Variants in GGACT observed in about 807,000 individuals in gnomAD.
GGACT encodes gamma-glutamylamine cyclotransferase.
For missense variants in GGACT, 241 were observed against 233.2 expected (o/e 1.03, Z -0.22); for synonymous variants, 118 against 115.3 (o/e 1.02, Z -0.15).
chr13:100,552,114 G>C (rs1446263783), intron 2 of GGACT, among the ~76,000 whole-genome samples: 2 of 152,218 alleles, frequency 1.3e-5, no homozygotes, highest in Non-Finnish European at 2.9e-5. Context: ...GGAAGGCAAA[G>C]CCTGGTGGAA....
intron 2 of GGACT, among the ~76,000 whole-genome samples, chr13:100,579,601 G>A (rs1318978951): frequency 6.6e-6 from 1 of 152,180 alleles, no homozygotes; most frequent in Non-Finnish European, 1.5e-5. Context: ...ATTCCTGGAA[G>A]GAAGAAATGC....
Position 100,554,262 on chromosome 13 carries a change from G to A in GGACT, c.-10-21661C>T, listed in dbSNP as rs146418226. The stretch of plus-strand genomic sequence containing the variant: ...GGTACATTTCTCAGGGGTTCAGAAA[G>A]TTCCAAGTCATCATTTAGTCCTCTC... On this transcript the variant is annotated intron_variant, in intron 2 of 2. Transcript: ENST00000683975. Among the ~76,000 whole-genome samples, 20 of 152,246 alleles carry A rather than the reference G, an allele frequency of 1.3e-4. 3 individuals carry two copies. In the East Asian group the frequency reaches 3.9e-3, roughly 29 times the overall value.
At chr13:100,566,595 G>A (rs921152546) in intron 2 of GGACT, among the ~76,000 whole-genome samples, 7 of 152,038 alleles carry the variant, frequency 4.6e-5, no homozygotes, top group Non-Finnish European at 7.4e-5. Context: ...CTGGGGGCCC[G>A]GGCACCAGCA....
chr13:100,562,528 G>A lies in GGACT; in HGVS notation c.-11+21297C>T, dbSNP rs186750119. Among the ~76,000 whole-genome samples, 823 of 152,234 alleles carry A rather than the reference G, an allele frequency of 5.4e-3. 7 individuals are homozygous for A. The highest frequency in any genetic ancestry group is 0.018 in the African/African-American group (767 of 41,544). On this transcript the variant is annotated intron_variant, in intron 2 of 2. Transcript: ENST00000683975. ...GAGGCACATGAGGCCAGGTGTGGTGGCTCACGCCTGTAATTCCAACACTTT... is the reference window on the plus strand; with the variant it reads ...GAGGCACATGAGGCCAGGTGTGGTGACTCACGCCTGTAATTCCAACACTTT...
At chr13:100,546,009 T>G (rs767812481) in intron 2 of GGACT, among the ~76,000 whole-genome samples, 11 of 152,138 alleles carry the variant, frequency 7.2e-5, no homozygotes, top group Non-Finnish European at 1.5e-4. Flanking sequence ...GCAGACAGTG[T>G]TGATAGAATA....
At chr13:100,556,451 C>G (rs1050453345) in intron 2 of GGACT, among the ~76,000 whole-genome samples, 1 of 151,970 alleles carries the variant, frequency 6.6e-6, no homozygotes, top group South Asian at 2.1e-4. Flanking sequence ...ACTGAAAATT[C>G]CAAACACTGA....
Position 100,539,776 on chromosome 13 carries a change from G to A in GGACT, c.-10-7175C>T, listed in dbSNP as rs2088532630. ...GAGGACTGGTGTGAATTCTGTAAAT[G>A]TTTGGTAGAATTTACCAGTGAAGCC... On this transcript the variant is annotated intron_variant, in intron 2 of 2. Coordinates refer to ENST00000683975, the MANE Select transcript of GGACT (RefSeq NM_001195087.2). The A allele has an allele frequency of 9.3e-6, 6 of 642,836 alleles. No homozygotes were observed. In the East Asian group the frequency reaches 1.6e-4, roughly 18 times the overall value. 39.8% of individuals were successfully genotyped at this position (642,836 alleles called of 1,614,324 possible). A position where few individuals can be genotyped will look rare whatever the true frequency, so the allele number is the denominator to read the frequency against.
intron 2 of GGACT, among the ~76,000 whole-genome samples, chr13:100,571,368 A>G (rs1314964949): frequency 1.3e-5 from 2 of 152,270 alleles, no homozygotes; most frequent in East Asian, 1.9e-4. Context: ...TCTAATGATC[A>G]TATAGAAGTG....
At chr13:100,539,001 C>G (rs889974698) in intron 2 of GGACT, 1 of 152,150 alleles carries the variant, frequency 6.6e-6, no homozygotes, top group Non-Finnish European at 1.5e-5. Context: ...AATAGTTTGT[C>G]TTTTCAGATT....
At chr13:100,573,397 T>C (rs1451917687) in intron 2 of GGACT, among the ~76,000 whole-genome samples, 3 of 152,208 alleles carry the variant, frequency 2.0e-5, no homozygotes, top group Non-Finnish European at 4.4e-5. Context: ...GAGACCCATA[T>C]ATAACTTTTT....
intron 1 of GGACT, among the ~76,000 whole-genome samples, chr13:100,586,225 G>A (rs536357728): frequency 3.3e-4 from 50 of 152,154 alleles, no homozygotes; most frequent in Non-Finnish European, 5.9e-4. Flanking sequence ...GGGGTGAAGT[G>A]TTATGTTGTC....
chr13:100,530,438 T>C lies in GGACT; in HGVS notation c.*1692A>G. The C allele has an allele frequency of 1.8e-6, 1 of 548,532 alleles. No individual in the cohort carries two copies. The highest frequency in any genetic ancestry group is 3.3e-6 in the Non-Finnish European group (1 of 305,298). 34.0% of individuals were successfully genotyped at this position (548,532 alleles called of 1,614,324 possible). A position where few individuals can be genotyped will look rare whatever the true frequency, so the allele number is the denominator to read the frequency against. On this transcript the variant is annotated 3_prime_UTR_variant, in exon 3 of 3. Transcript: ENST00000683975. ...ATAAAACTGAGCATTTGTCTAAATA[T>C]TAGTTTGCCCTTTCTTTGAATGAAG...
intron 2 of GGACT, among the ~76,000 whole-genome samples, chr13:100,561,052 C>T (rs2088755006): frequency 6.6e-6 from 1 of 152,226 alleles, no homozygotes; most frequent in South Asian, 2.1e-4. Flanking sequence ...GCCTCTTCCC[C>T]CGGCTCCTGA....
Position 100,556,765 on chromosome 13 carries a change from A to C in GGACT, c.-10-24164T>G, listed in dbSNP as rs576933892. 2.0e-5 allele frequency among the ~76,000 whole-genome samples: 3 copies of C among 152,352 alleles called. No homozygotes were observed. In the South Asian group the frequency reaches 6.2e-4, roughly 32 times the overall value. On this transcript the variant is annotated intron_variant, in intron 2 of 2. Transcript: ENST00000683975. The stretch of plus-strand genomic sequence containing the variant: ...ATGCTTGTATCAAAGCATCTCATGT[A>C]ACCCATAAATATACACATCTAATAT...
rs115698105 is a variant in GGACT at position 100,566,836 on chromosome 13, T to G, written c.-11+16989A>C. Among the ~76,000 whole-genome samples, 855 of 152,326 alleles carry G rather than the reference T, an allele frequency of 5.6e-3. 11 individuals carry two copies. The highest frequency in any genetic ancestry group is 0.02 in the African/African-American group (813 of 41,570). On this transcript the variant is annotated intron_variant, in intron 2 of 2. Coordinates refer to ENST00000683975, the MANE Select transcript of GGACT (RefSeq NM_001195087.2). ...ACCTTCTCGCAGACAGTTTGAACTT[T>G]TTCCAACTGTCCTGATAACGTGCTT...
At chr13:100,541,055 T>G (rs1245619575) in intron 2 of GGACT, among the ~76,000 whole-genome samples, 4 of 152,204 alleles carry the variant, frequency 2.6e-5, no homozygotes, top group Non-Finnish European at 5.9e-5. Flanking sequence ...TCAGATAAAA[T>G]GTAAGGGCTT....
chr13:100,538,618 C>T (rs1340768550), intron 2 of GGACT: 2 of 152,170 alleles, frequency 1.3e-5, no homozygotes, highest in Non-Finnish European at 2.9e-5. Flanking sequence ...AGGAGGAATT[C>T]CTGTTCTATG....
intron 2 of GGACT, among the ~76,000 whole-genome samples, chr13:100,535,080 T>C (rs2088472553): frequency 1.3e-5 from 2 of 152,126 alleles, no homozygotes; most frequent in South Asian, 2.1e-4. Context: ...CACCTGCAGG[T>C]GAGGAAGCCG....
intron 2 of GGACT, among the ~76,000 whole-genome samples, chr13:100,570,685 A>G (rs1222599061): frequency 2.0e-5 from 3 of 152,150 alleles, no homozygotes; most frequent in Non-Finnish European, 4.4e-5. Context: ...TGCCATGATT[A>G]TAAGCTTCCT....
Sources: allele counts gnomAD v4.1 joint callset (sites outside exome capture counted in the v4.1 genomes callset), GRCh38; gene constraint gnomAD v4.1.1; transcripts MANE v1.5; gene names NCBI Gene and HGNC (gene_info 2026-07-23, HGNC 2026-07-21).